Variants in ZFAND6 observed in about 807,000 individuals in gnomAD.
The protein encoded by ZFAND6 is zinc finger AN1-type containing 6, also known as AN1-type zinc finger protein 6.
In ZFAND6, 12 loss-of-function variants were observed where a neutral mutation model predicts 24.5. The ratio of observed to expected loss-of-function variants is 0.49; its 90% CI spans 0.31 to 0.79. The LOEUF is 0.79. Ranked by LOEUF, ZFAND6 falls within the 30% of genes least tolerant of loss-of-function variation. The probability of loss-of-function intolerance (pLI) is 0.04; values close to 1 mark genes in which losing one functional copy is unlikely to be tolerated. For synonymous variants in ZFAND6, 92 were observed against 81.5 expected, an observed-to-expected ratio of 1.13 and a Z score of -0.69; for missense variants, 207 against 245.9, an observed-to-expected ratio of 0.84 and a Z score of 1.06.
intron 2 of ZFAND6, chr15:80,111,405 A>C: frequency 2.4e-6 from 1 of 414,654 alleles, no homozygotes; most frequent in Non-Finnish European, 4.8e-6. Context: ...TGGGTATGAA[A>C]AGTCAGTCTT....
intron 2 of ZFAND6, among the ~76,000 whole-genome samples, chr15:80,117,968 T>C (rs1268708288): frequency 6.6e-6 from 1 of 152,072 alleles, no homozygotes; most frequent in Non-Finnish European, 1.5e-5. Context: ...TTGAGAATCA[T>C]TGACGACTTA....
intron 1 of ZFAND6, among the ~76,000 whole-genome samples, chr15:80,077,865 A>C (rs2037387081): frequency 6.6e-6 from 1 of 150,790 alleles, no homozygotes; most frequent in Non-Finnish European, 1.5e-5. Flanking sequence ...ACGCCCGGCT[A>C]ATTTTTGTAT....
Position 80,121,826 on chromosome 15 carries a change from A to ATG in ZFAND6, c.263+8_263+9dup. The ATG allele has an allele frequency of 6.2e-7, 1 of 1,607,752 alleles. No homozygotes were observed. Among genetic ancestry groups the ATG allele is most frequent in the East Asian group, 2.2e-5 (1 of 44,802 alleles). On this transcript the variant is annotated splice_region_variant and intron_variant, in intron 4 of 6. Coordinates refer to ENST00000261749, the MANE Select transcript of ZFAND6 (RefSeq NM_019006.4). ...TCTTCATCTATGCAGCCCAGGTAAG[A>ATG]TGTACTCTCTGAATTCTAATGAGAA...
intron 6 of ZFAND6, among the ~76,000 whole-genome samples, chr15:80,136,706 A>G (rs758144633): frequency 1.3e-5 from 2 of 152,220 alleles, no homozygotes; most frequent in African/African-American, 2.4e-5. Context: ...ATTTCTAACA[A>G]TTGTATCATA....
intron 5 of ZFAND6, among the ~76,000 whole-genome samples, chr15:80,128,605 G>T (rs1290079389): frequency 6.6e-6 from 1 of 152,164 alleles, no homozygotes; most frequent in Non-Finnish European, 1.5e-5. Context: ...CATCTTGTCC[G>T]TGAATTCATT....
intron 1 of ZFAND6, among the ~76,000 whole-genome samples, chr15:80,093,457 G>A (rs1372378239): frequency 6.6e-6 from 1 of 151,960 alleles, no homozygotes. Flanking sequence ...GCTGGGCGCG[G>A]TGGCTCACGC....
chr15:80,072,428 C>G (rs1406471010), intron 1 of ZFAND6: 1 of 151,998 alleles, frequency 6.6e-6, no homozygotes, highest in Admixed American at 6.6e-5. Context: ...TTTAGTGTGT[C>G]TAACCTAACC....
At chr15:80,081,927 A>G (rs957365400) in intron 1 of ZFAND6, among the ~76,000 whole-genome samples, 2 of 152,238 alleles carry the variant, frequency 1.3e-5, no homozygotes, top group African/African-American at 2.4e-5. Flanking sequence ...AGAAAATTAG[A>G]AAAAGTAAAA....
At chr15:80,067,240 A>C (rs1379354844) in intron 1 of ZFAND6, among the ~76,000 whole-genome samples, 1 of 152,078 alleles carries the variant, frequency 6.6e-6, no homozygotes, top group East Asian at 1.9e-4. Context: ...CTTCCTATGG[A>C]GTTTTGATTT....
At chr15:80,091,724 C>A (rs1406146234) in intron 1 of ZFAND6, among the ~76,000 whole-genome samples, 1 of 152,132 alleles carries the variant, frequency 6.6e-6, no homozygotes, top group African/African-American at 2.4e-5. Flanking sequence ...ACTGTAACCT[C>A]AAACTCCAGG....
chr15:80,094,861 G>C (rs1277232267), intron 1 of ZFAND6, among the ~76,000 whole-genome samples: 1 of 151,756 alleles, frequency 6.6e-6, no homozygotes, highest in African/African-American at 2.4e-5. Flanking sequence ...TGCAACCTCT[G>C]CCTCCCAGGT....
intron 1 of ZFAND6, among the ~76,000 whole-genome samples, chr15:80,096,017 G>GTA (rs1430619355): frequency 1.3e-5 from 2 of 152,194 alleles, no homozygotes; most frequent in Non-Finnish European, 2.9e-5. Context: ...CTGTTTGCCT[G>GTA]TAATCTAGCT....
intron 6 of ZFAND6, among the ~76,000 whole-genome samples, chr15:80,132,463 A>T (rs2040648498): frequency 6.6e-6 from 1 of 152,226 alleles, no homozygotes; most frequent in East Asian, 1.9e-4. Flanking sequence ...AAATGTAAAG[A>T]TGCAGTATTA....
intron 2 of ZFAND6, among the ~76,000 whole-genome samples, chr15:80,107,673 A>G (rs1369526008): frequency 2.0e-5 from 3 of 152,026 alleles, no homozygotes; most frequent in Non-Finnish European, 4.4e-5. Context: ...AAAAACACAA[A>G]AAGTCATGAT....
chr15:80,108,021 C>T (rs1265990929), intron 2 of ZFAND6, among the ~76,000 whole-genome samples: 1 of 152,146 alleles, frequency 6.6e-6, no homozygotes, highest in Admixed American at 6.5e-5. Context: ...GCTGTGTGTC[C>T]TTGAACAGTT....
At chr15:80,099,627 T>TTTTTTTC (rs1419613416) in intron 2 of ZFAND6, among the ~76,000 whole-genome samples, 1 of 145,984 alleles carries the variant, frequency 6.9e-6, no homozygotes, top group Admixed American at 6.9e-5. Context: ...CCTTTTTTTT[T>TTTTTTTC]TTTTTTTCGA....
chr15:80,112,716 G>A, intron 2 of ZFAND6: 1 of 452,238 alleles, frequency 2.2e-6, no homozygotes, highest in Non-Finnish European at 4.4e-6. Context: ...TATCATCTCT[G>A]CAAAAAGGTT....
chr15:80,122,427 T>A (rs1414265617), intron 4 of ZFAND6, among the ~76,000 whole-genome samples: 1 of 151,270 alleles, frequency 6.6e-6, no homozygotes, highest in African/African-American at 2.4e-5. Flanking sequence ...AGCATGTCTT[T>A]ATCATGCTAG....
At position 80,121,499 on chromosome 15, in the gene ZFAND6, A is replaced by G. The variant is rs531074305; in HGVS notation, c.155-213A>G. ...AAATAGGAGTTTATTAATGTATACA[A>G]TTTGCAGATGGTTTCCTTCTTGGTT... On this transcript the variant is annotated intron_variant, in intron 3 of 6. Coordinates refer to ENST00000261749, the MANE Select transcript of ZFAND6 (RefSeq NM_019006.4). Among the ~76,000 whole-genome samples the G allele has an allele frequency of 1.3e-5, 2 of 152,170 alleles. 1 individual carries two copies. The highest frequency in any genetic ancestry group is 4.1e-4 in the South Asian group (2 of 4,834).
Sources: allele counts gnomAD v4.1 joint callset (sites outside exome capture counted in the v4.1 genomes callset), GRCh38; gene constraint gnomAD v4.1.1; transcripts MANE v1.5; gene names NCBI Gene and HGNC (gene_info 2026-07-23, HGNC 2026-07-21).